Variants in MLLT3 observed in about 807,000 individuals in gnomAD.
MLLT3 encodes the protein protein AF-9.
Under a neutral mutation model 53.2 loss-of-function variants are expected in MLLT3, and 4 were observed. That is an observed-to-expected ratio of 0.08 (90% CI 0.04 to 0.17). The LOEUF is 0.17. Ranked by LOEUF, MLLT3 falls within the 10% of genes least tolerant of loss-of-function variation. The pLI is 1.00. For missense variants in MLLT3, 569 were observed against 684.0 expected, an observed-to-expected ratio of 0.83 and a Z score of 1.87; for synonymous variants, 283 against 230.6, an observed-to-expected ratio of 1.23 and a Z score of -2.06.
intron 3 of MLLT3, among the ~76,000 whole-genome samples, chr9:20,455,484 C>T (rs1823943586): frequency 6.6e-6 from 1 of 152,194 alleles, no homozygotes; most frequent in South Asian, 2.1e-4. Flanking sequence ...TAGGCCCTGC[C>T]TCCAGAGATT....
rs760712227 is a variant in MLLT3 at position 20,345,955 on chromosome 9, A to G, written c.*488T>C. 2 of 232,706 alleles carry G rather than the reference A, an allele frequency of 8.6e-6. No homozygotes were observed. The highest frequency in any genetic ancestry group is 1.7e-5 in the Non-Finnish European group (2 of 117,526). 14.4% of individuals were successfully genotyped at this position (232,706 alleles called of 1,614,324 possible). A position where few individuals can be genotyped will look rare whatever the true frequency, so the allele number is the denominator to read the frequency against. ...GGGATGGCAAGGGTGCTGCATTGAA[A>G]GAGCATCCACGGGACCAAGTACTTA... On this transcript the variant is annotated 3_prime_UTR_variant, in exon 11 of 11. Transcript: ENST00000380338.
At chr9:20,363,195 A>T (rs1466978128) in intron 7 of MLLT3, 1 of 309,192 alleles carries the variant, frequency 3.2e-6, no homozygotes, top group African/African-American at 2.1e-5. Context: ...ACTTTAGTTC[A>T]ACAGTCAGTC....
At chr9:20,483,612 C>A (rs537806184) in intron 2 of MLLT3, among the ~76,000 whole-genome samples, 3 of 151,178 alleles carry the variant, frequency 2.0e-5, no homozygotes, top group Admixed American at 6.6e-5. Flanking sequence ...ACTGTTAATA[C>A]CATATTTTAA....
At chr9:20,479,557 C>G (rs1432191599) in intron 2 of MLLT3, among the ~76,000 whole-genome samples, 3 of 152,064 alleles carry the variant, frequency 2.0e-5, no homozygotes, top group African/African-American at 7.2e-5. Context: ...GGAGTAAGGC[C>G]TAGAGAAGTT....
rs1819890618 is a variant in MLLT3, at chr9:20,584,333, C to T, written c.193+36321G>A. On this transcript the variant is annotated intron_variant, in intron 2 of 10. Coordinates refer to ENST00000380338, the MANE Select transcript of MLLT3 (RefSeq NM_004529.4). ...AAGTTCCAAACTTACCCACATTTTC[C>T]TATCTTCTTCTGAGCTCTCCAAACT... 2.0e-5 allele frequency among the ~76,000 whole-genome samples: 3 copies of T among 152,274 alleles called. No individual in the cohort carries two copies. In the South Asian group the frequency reaches 6.2e-4, roughly 32 times the overall value.
chr9:20,463,031 T>A lies in MLLT3; in HGVS notation c.194-6245A>T, dbSNP rs537512738. Among the ~76,000 whole-genome samples, 57 of 152,134 alleles carry A rather than the reference T, an allele frequency of 3.7e-4. No homozygotes were observed. In the South Asian group the frequency reaches 0.011, roughly 30 times the overall value. ...AAAGTTTACATTTGTATAGAGAACG[T>A]CATGCTACACACACTCAGAAATTCA... On this transcript the variant is annotated intron_variant, in intron 2 of 10. Coordinates refer to ENST00000380338, the MANE Select transcript of MLLT3 (RefSeq NM_004529.4).
At chr9:20,387,533 C>T (rs1822069692) in intron 5 of MLLT3, among the ~76,000 whole-genome samples, 1 of 152,060 alleles carries the variant, frequency 6.6e-6, no homozygotes, top group African/African-American at 2.4e-5. Context: ...CTTAAAGACA[C>T]TCTGTCCTAT....
chr9:20,440,947 G>A (rs1350988051), intron 4 of MLLT3, among the ~76,000 whole-genome samples: 2 of 152,128 alleles, frequency 1.3e-5, no homozygotes, highest in East Asian at 1.9e-4. Context: ...TAAGAGTTTC[G>A]TACATACAGT....
rs1012009329 is a variant in MLLT3, at chr9:20,448,464, T to A, written c.277-198A>T. Among the ~76,000 whole-genome samples, 1 of 152,096 alleles carries A rather than the reference T, an allele frequency of 6.6e-6. No individual in the cohort carries two copies. Among genetic ancestry groups the A allele is most frequent in the Non-Finnish European group, 1.5e-5 (1 of 68,002 alleles). Reference sequence around the variant, plus strand: ...AATAGAAATGTCTGACAAATTAGTTTCTTGTGTTAGGGGAAATGAAATAAG... The same window carrying A: ...AATAGAAATGTCTGACAAATTAGTTACTTGTGTTAGGGGAAATGAAATAAG... On this transcript the variant is annotated intron_variant, in intron 3 of 10. Coordinates refer to ENST00000380338, the MANE Select transcript of MLLT3 (RefSeq NM_004529.4). The surrounding 1 kb of genome is among the most constrained non-coding windows in gnomAD (Gnocchi z 4.0).
intron 2 of MLLT3, among the ~76,000 whole-genome samples, chr9:20,602,870 C>G (rs1272503988): frequency 2.0e-5 from 3 of 151,994 alleles, no homozygotes; most frequent in African/African-American, 7.2e-5. Flanking sequence ...ATTCCTCCTG[C>G]CAATGGCATC....
In MLLT3 at chr9:20,343,609, A is replaced by G; in HGVS notation, c.*2834T>C. The G allele has an allele frequency of 4.4e-6, 1 of 229,602 alleles. No homozygotes were observed. Among genetic ancestry groups the G allele is most frequent in the Non-Finnish European group, 8.6e-6 (1 of 115,738 alleles). The allele number at this position is 229,602 out of a possible 1,614,324, so 14.2% of individuals were successfully genotyped here. A position where few individuals can be genotyped will look rare whatever the true frequency, so the allele number is the denominator to read the frequency against. ...GGGCAGAGGGGCAGGAGCTCTGTAC[A>G]TATATTTTTTCCCCTGGCTGATCAC... On this transcript the variant is annotated 3_prime_UTR_variant, in exon 11 of 11. Transcript: ENST00000380338.
chr9:20,364,859 A>G (rs1356902538), intron 6 of MLLT3, among the ~76,000 whole-genome samples: 4 of 152,216 alleles, frequency 2.6e-5, no homozygotes, highest in South Asian at 2.1e-4. Flanking sequence ...AAGAGTGTAT[A>G]TTTGAAGATT....
At chr9:20,548,591 G>C (rs1164522767) in intron 2 of MLLT3, among the ~76,000 whole-genome samples, 2 of 152,274 alleles carry the variant, frequency 1.3e-5, no homozygotes, top group East Asian at 3.9e-4. Flanking sequence ...ATGTGAAATT[G>C]TTCTAAAATC....
chr9:20,585,024 T>C (rs1357492462), intron 2 of MLLT3, among the ~76,000 whole-genome samples: 2 of 152,226 alleles, frequency 1.3e-5, no homozygotes, highest in African/African-American at 4.8e-5. Context: ...GAGTAAATAC[T>C]TTGGAGCATG....
intron 2 of MLLT3, among the ~76,000 whole-genome samples, chr9:20,610,969 A>C (rs1012731339): frequency 1.3e-5 from 2 of 152,138 alleles, no homozygotes; most frequent in Non-Finnish European, 2.9e-5. Context: ...GACTCTATAA[A>C]ACAGCTGCTT....
intron 5 of MLLT3, among the ~76,000 whole-genome samples, chr9:20,367,352 ATAGTCTG>A (rs965825344): frequency 2.0e-5 from 3 of 152,200 alleles, no homozygotes; most frequent in Non-Finnish European, 4.4e-5. Flanking sequence ...TGCTCCCCAG[ATAGTCTG>A]TAGACTGCCA....
chr9:20,397,385 A>C (rs1429333867), intron 5 of MLLT3, among the ~76,000 whole-genome samples: 1 of 152,296 alleles, frequency 6.6e-6, no homozygotes, highest in East Asian at 1.9e-4. Flanking sequence ...TTTTGGGAGC[A>C]GAAGTACACA....
intron 2 of MLLT3, among the ~76,000 whole-genome samples, chr9:20,480,627 A>G (rs1031514057): frequency 6.6e-6 from 1 of 152,200 alleles, no homozygotes; most frequent in Non-Finnish European, 1.5e-5. Flanking sequence ...GGCACTTCAG[A>G]GCAATTTTGC....
chr9:20,378,053 G>C (rs1821815064), intron 5 of MLLT3, among the ~76,000 whole-genome samples: 2 of 152,052 alleles, frequency 1.3e-5, no homozygotes, highest in South Asian at 4.1e-4. Context: ...TGTTTACATA[G>C]ATGTGTGTAA....
Sources: allele counts gnomAD v4.1 joint callset (sites outside exome capture counted in the v4.1 genomes callset), GRCh38; gene constraint gnomAD v4.1.1; non-coding constraint Gnocchi (gnomAD v3.1); transcripts MANE v1.5; gene names NCBI Gene and HGNC (gene_info 2026-07-23, HGNC 2026-07-21).